NXPH2: variants seen among roughly 807,000 people sequenced by gnomAD.
The protein encoded by NXPH2 is neurexophilin 2.
In NXPH2, 5 loss-of-function variants were observed where a neutral mutation model predicts 19.8. That is an observed-to-expected ratio of 0.25 (90% CI 0.13 to 0.53). NXPH2 has a LOEUF of 0.53. NXPH2 is among the 20% of genes least tolerant of loss of function. The probability of loss-of-function intolerance (pLI) is 0.96; values close to 1 mark genes in which losing one functional copy is unlikely to be tolerated. For missense variants in NXPH2, 289 were observed against 322.8 expected (o/e 0.90, Z 0.80); for synonymous variants, 154 against 127.4 (o/e 1.21, Z -1.41).
At chr2:138,764,623 A>T (rs1339985725) in intron 1 of NXPH2, among the ~76,000 whole-genome samples, 1 of 152,208 alleles carries the variant, frequency 6.6e-6, no homozygotes, top group African/African-American at 2.4e-5. Flanking sequence ...AAGGTTTCTG[A>T]TATAAATCAT....
At chr2:138,757,856 TC>T (rs1681940473) in intron 1 of NXPH2, among the ~76,000 whole-genome samples, 1 of 144,114 alleles carries the variant, frequency 6.9e-6, no homozygotes, top group African/African-American at 2.5e-5. Flanking sequence ...TATCTATCTA[TC>T]TATCTATCTC....
intron 1 of NXPH2, among the ~76,000 whole-genome samples, chr2:138,691,245 C>T (rs779590914): frequency 1.3e-5 from 2 of 152,136 alleles, no homozygotes; most frequent in Non-Finnish European, 2.9e-5. Context: ...CTGCAAAATT[C>T]TTCAACTTAC....
At chr2:138,722,273 A>G (rs778352800) in intron 1 of NXPH2, among the ~76,000 whole-genome samples, 1 of 152,260 alleles carries the variant, frequency 6.6e-6, no homozygotes, top group African/African-American at 2.4e-5. Context: ...TTAAACACAC[A>G]CTTGCAGAAA....
chr2:138,773,961 T>G (rs1250251742), intron 1 of NXPH2, among the ~76,000 whole-genome samples: 1 of 152,198 alleles, frequency 6.6e-6, no homozygotes, highest in Non-Finnish European at 1.5e-5. Flanking sequence ...CACATGCCAG[T>G]TTTTTTGTTT....
chr2:138,756,088 A>G (rs1381619494), intron 1 of NXPH2, among the ~76,000 whole-genome samples: 3 of 151,582 alleles, frequency 2.0e-5, no homozygotes, highest in South Asian at 2.1e-4. Context: ...ATTCTTTGGG[A>G]TTTTTCTACT....
chr2:138,723,627 G>T (rs1474108445), intron 1 of NXPH2, among the ~76,000 whole-genome samples: 1 of 152,182 alleles, frequency 6.6e-6, no homozygotes, highest in Non-Finnish European at 1.5e-5. Flanking sequence ...AAAGGAAACT[G>T]ACATTTATTG....
intron 1 of NXPH2, among the ~76,000 whole-genome samples, chr2:138,759,728 C>A (rs1438310295): frequency 7.5e-6 from 1 of 132,532 alleles, no homozygotes; most frequent in African/African-American, 3.0e-5. Context: ...TCCTATGCCA[C>A]CTTTTTTTTT....
At chr2:138,696,081 A>C (rs1680825361) in intron 1 of NXPH2, among the ~76,000 whole-genome samples, 1 of 152,166 alleles carries the variant, frequency 6.6e-6, no homozygotes, top group Admixed American at 6.6e-5. Context: ...ATAGATATGT[A>C]TATATTTTTT....
At chr2:138,765,821 G>T (rs78901409) in intron 1 of NXPH2, among the ~76,000 whole-genome samples, 2,000 of 152,296 alleles carry the variant, frequency 0.013, 24 homozygotes, top group Non-Finnish European at 0.022. Flanking sequence ...TAACAAATTT[G>T]CATGTCAAGT....
chr2:138,747,334 G>A (rs1406647745), intron 1 of NXPH2, among the ~76,000 whole-genome samples: 1 of 152,090 alleles, frequency 6.6e-6, no homozygotes, highest in African/African-American at 2.4e-5. Flanking sequence ...GCTTGAGGAG[G>A]GGCTGGATAT....
rs145303908 is a variant in NXPH2, at chr2:138,690,056, G to A, written c.52-18391C>T. Among the ~76,000 whole-genome samples the A allele has an allele frequency of 2.3e-3, 356 of 152,206 alleles. 5 individuals are homozygous for A. The highest frequency in any genetic ancestry group is 8.1e-3 in the African/African-American group (336 of 41,530). ...CCTTAACAATGTCTGTCCCTTACGC[G>A]ATAATAAGGTCATTTGTGCTGATTT... is the stretch of plus-strand genomic sequence containing the variant. On this transcript the variant is annotated intron_variant, in intron 1 of 1. Coordinates refer to ENST00000272641, the MANE Select transcript of NXPH2 (RefSeq NM_007226.3).
chr2:138,699,554 G>T (rs1158062842), intron 1 of NXPH2, among the ~76,000 whole-genome samples: 1 of 152,124 alleles, frequency 6.6e-6, no homozygotes, highest in Non-Finnish European at 1.5e-5. Context: ...GGTAGAGATG[G>T]CCTAGGGGCA....
chr2:138,695,096 T>C (rs775222391), intron 1 of NXPH2, among the ~76,000 whole-genome samples: 20 of 152,286 alleles, frequency 1.3e-4, no homozygotes, highest in South Asian at 4.1e-4. Context: ...AACCATCATA[T>C]ATGCAGTTCG....
At chr2:138,724,081 T>TTCC (rs1350605708) in intron 1 of NXPH2, among the ~76,000 whole-genome samples, 1 of 152,168 alleles carries the variant, frequency 6.6e-6, no homozygotes, top group Admixed American at 6.5e-5. Context: ...CCTGATCCTC[T>TTCC]TCCTCCTCCT....
rs147230103 is a variant in NXPH2 at position 138,693,278 on chromosome 2, T to C, written c.52-21613A>G. Among the ~76,000 whole-genome samples the C allele has an allele frequency of 3.5e-3, 538 of 152,308 alleles. 2 individuals are homozygous for C. Among genetic ancestry groups the C allele is most frequent in the African/African-American group, 0.012 (501 of 41,578 alleles). On this transcript the variant is annotated intron_variant, in intron 1 of 1. Coordinates refer to ENST00000272641, the MANE Select transcript of NXPH2 (RefSeq NM_007226.3). ...TACACACTTACAAGAGAGAACTTGC[T>C]GTTACGAAAGCATGAGAGTCCCTCC...
At chr2:138,719,404 T>G (rs894523225) in intron 1 of NXPH2, among the ~76,000 whole-genome samples, 4 of 152,194 alleles carry the variant, frequency 2.6e-5, no homozygotes, top group African/African-American at 9.7e-5. Flanking sequence ...TCTTTCGGAA[T>G]TTACTTTTCA....
At chr2:138,712,997 TAA>T (rs1350380615) in intron 1 of NXPH2, among the ~76,000 whole-genome samples, 1 of 152,230 alleles carries the variant, frequency 6.6e-6, no homozygotes, top group African/African-American at 2.4e-5. Flanking sequence ...ACATGATTTT[TAA>T]GTGTTGGTTA....
chr2:138,772,787 A>T (rs1286741153), intron 1 of NXPH2, among the ~76,000 whole-genome samples: 1 of 152,168 alleles, frequency 6.6e-6, no homozygotes, highest in African/African-American at 2.4e-5. Context: ...GGTGTCAGTG[A>T]TGAGTACCTA....
chr2:138,683,209 G>A (rs1680603060), intron 1 of NXPH2, among the ~76,000 whole-genome samples: 1 of 152,130 alleles, frequency 6.6e-6, no homozygotes, highest in Non-Finnish European at 1.5e-5. Flanking sequence ...TGTTGCTAAG[G>A]AGTAAGTGAC....
Sources: allele counts gnomAD v4.1 joint callset (sites outside exome capture counted in the v4.1 genomes callset), GRCh38; gene constraint gnomAD v4.1.1; transcripts MANE v1.5; gene names NCBI Gene and HGNC (gene_info 2026-07-23, HGNC 2026-07-21).